Variants in NLGN1 observed in about 807,000 individuals in gnomAD.
NLGN1 encodes neuroligin-1.
NLGN1 carries 12 observed loss-of-function variants against 65.5 expected under a neutral mutation model. The observed-to-expected ratio is 0.18, with a 90% confidence interval of 0.12 to 0.30. The LOEUF (loss-of-function observed/expected upper bound fraction) is 0.30, where lower values mean the gene tolerates loss of function less well. Ranked by LOEUF, NLGN1 falls within the 10% of genes least tolerant of loss-of-function variation. The pLI, the probability that NLGN1 is intolerant of heterozygous loss-of-function variation, is 1.00. For missense variants in NLGN1, 750 were observed against 1,007.1 expected, an observed-to-expected ratio of 0.74 and a Z score of 3.46; for synonymous variants, 350 against 359.5, an observed-to-expected ratio of 0.97 and a Z score of 0.30.
intron 4 of NLGN1, among the ~76,000 whole-genome samples, chr3:173,878,577 T>C (rs574914173): frequency 6.3e-4 from 95 of 151,456 alleles, no homozygotes; most frequent in Admixed American, 2.6e-3. Flanking sequence ...CATTTTCCAT[T>C]CACACATTCA....
chr3:173,947,095 C>G (rs1747321806), intron 4 of NLGN1, among the ~76,000 whole-genome samples: 1 of 136,384 alleles, frequency 7.3e-6, no homozygotes, highest in African/African-American at 2.7e-5. Context: ...GAGTTTCACT[C>G]TTGTTGCCCA....
At chr3:174,047,479 A>G (rs1480748625) in intron 4 of NLGN1, among the ~76,000 whole-genome samples, 1 of 152,080 alleles carries the variant, frequency 6.6e-6, no homozygotes, top group African/African-American at 2.4e-5. Context: ...AGTTGCCACC[A>G]TATGCACATA....
intron 3 of NLGN1, among the ~76,000 whole-genome samples, chr3:173,649,412 A>G (rs1414532156): frequency 6.6e-6 from 1 of 152,182 alleles, no homozygotes; most frequent in South Asian, 2.1e-4. Context: ...TATACATGTC[A>G]TACATATGTC....
At chr3:173,894,339 C>G (rs555612882) in intron 4 of NLGN1, among the ~76,000 whole-genome samples, 2 of 152,226 alleles carry the variant, frequency 1.3e-5, no homozygotes, top group South Asian at 4.1e-4. Flanking sequence ...AAGCTAATTG[C>G]CAGGCATAAC....
intron 2 of NLGN1, among the ~76,000 whole-genome samples, chr3:173,492,956 T>A (rs1380241164): frequency 1.3e-5 from 2 of 151,692 alleles, no homozygotes; most frequent in Non-Finnish European, 2.9e-5. Flanking sequence ...GATATTCGAG[T>A]CTATCCTCTA....
intron 2 of NLGN1, among the ~76,000 whole-genome samples, chr3:173,587,422 A>G (rs1747676574): frequency 6.6e-6 from 1 of 152,200 alleles, no homozygotes. Flanking sequence ...ATACAAAACT[A>G]CACACCAAAA....
At chr3:173,930,480 A>C (rs1743895435) in intron 4 of NLGN1, among the ~76,000 whole-genome samples, 1 of 152,192 alleles carries the variant, frequency 6.6e-6, no homozygotes, top group Admixed American at 6.5e-5. Flanking sequence ...ACATACTCAT[A>C]AATATTCATT....
At chr3:174,275,590 A>G (rs948189489) in intron 5 of NLGN1, 63 bp downstream of exon 5, 4 of 925,514 alleles carry the variant, frequency 4.3e-6, no homozygotes, top group African/African-American at 3.2e-5. Context: ...CATCAGTAGT[A>G]TGTGATGCTC....
intron 3 of NLGN1, among the ~76,000 whole-genome samples, chr3:173,784,571 A>G (rs1781657250): frequency 1.3e-5 from 2 of 152,146 alleles, no homozygotes; most frequent in South Asian, 4.1e-4. Context: ...ACAGAGACAG[A>G]AAGGCAGACA....
intron 4 of NLGN1, among the ~76,000 whole-genome samples, chr3:173,968,874 T>A (rs1406495119): frequency 6.6e-6 from 1 of 151,572 alleles, no homozygotes; most frequent in Non-Finnish European, 1.5e-5. Context: ...CTAATTTTTG[T>A]ATTTTTAGTA....
chr3:173,396,812 C>G (rs538990943), upstream of NLGN1: 2 of 152,464 alleles, frequency 1.3e-5, no homozygotes, highest in Admixed American at 6.5e-5. Flanking sequence ...CCACCCTTCT[C>G]TGCTCTCTCT....
At chr3:173,550,479 A>T (rs1367247525) in intron 2 of NLGN1, among the ~76,000 whole-genome samples, 4 of 152,260 alleles carry the variant, frequency 2.6e-5, no homozygotes, top group Admixed American at 2.6e-4. Context: ...CATCAATAAG[A>T]ATTATGTTAG....
At chr3:173,727,490 C>T (rs974968386) in intron 3 of NLGN1, among the ~76,000 whole-genome samples, 1 of 152,096 alleles carries the variant, frequency 6.6e-6, no homozygotes, top group Non-Finnish European at 1.5e-5. Flanking sequence ...CTTCTAGCAC[C>T]TTAAACTATC....
At chr3:174,183,705 A>G (rs1271048107) in intron 4 of NLGN1, among the ~76,000 whole-genome samples, 1 of 152,202 alleles carries the variant, frequency 6.6e-6, no homozygotes, top group Non-Finnish European at 1.5e-5. Context: ...CACATACACA[A>G]CATTCATAAT....
At chr3:174,019,857 A>C (rs1293347911) in intron 4 of NLGN1, among the ~76,000 whole-genome samples, 1 of 152,162 alleles carries the variant, frequency 6.6e-6, no homozygotes, top group Non-Finnish European at 1.5e-5. Flanking sequence ...AATAGCAAGC[A>C]TGACAGAAAC....
At chr3:173,548,396 A>G (rs1209587777) in intron 2 of NLGN1, among the ~76,000 whole-genome samples, 1 of 152,136 alleles carries the variant, frequency 6.6e-6, no homozygotes, top group African/African-American at 2.4e-5. Context: ...ATGCCTTACT[A>G]TAATGAAAAA....
chr3:173,398,363 A>C (rs1717009052), upstream of NLGN1: 1 of 152,114 alleles, frequency 6.6e-6, no homozygotes, highest in Admixed American at 6.5e-5. Flanking sequence ...CACTCCCTAG[A>C]TCCCCCGCGT....
intron 2 of NLGN1, among the ~76,000 whole-genome samples, chr3:173,446,442 C>A (rs1720339377): frequency 6.6e-6 from 1 of 152,172 alleles, no homozygotes; most frequent in Admixed American, 6.5e-5. Context: ...ATATGTGCCA[C>A]ATTTTCTTAA....
At chr3:173,891,475 T>C (rs983419663) in intron 4 of NLGN1, among the ~76,000 whole-genome samples, 1 of 152,200 alleles carries the variant, frequency 6.6e-6, no homozygotes, top group Non-Finnish European at 1.5e-5. Context: ...GTTCCTCTTT[T>C]CCATATGTGT....
Sources: allele counts gnomAD v4.1 joint callset (sites outside exome capture counted in the v4.1 genomes callset), GRCh38; gene constraint gnomAD v4.1.1; transcripts MANE v1.5; gene names NCBI Gene and HGNC (gene_info 2026-07-23, HGNC 2026-07-21).